MAFG: variants seen among roughly 807,000 people sequenced by gnomAD.
MAFG encodes the protein transcription factor MafG.
A neutral mutation model predicts 12.2 loss-of-function variants in MAFG; 3 were observed. The ratio of observed to expected loss-of-function variants is 0.25; its 90% CI spans 0.11 to 0.64. The LOEUF (loss-of-function observed/expected upper bound fraction) is 0.64. Among genes scored for constraint, MAFG ranks in the 30% least tolerant of loss-of-function variants. The pLI, the probability that MAFG is intolerant of heterozygous loss-of-function variation, is 0.85. For synonymous variants in MAFG, 126 were observed against 109.1 expected, an observed-to-expected ratio of 1.15 and a Z score of -0.96; for missense variants, 153 against 235.5, an observed-to-expected ratio of 0.65 and a Z score of 2.29.
Position 81,926,325 on chromosome 17 carries a change from G to A in MAFG, c.-30+1203C>T, listed in dbSNP as rs111932077. On this transcript the variant is annotated intron_variant, in intron 1 of 2. Transcript: ENST00000357736. The surrounding 1 kb of genome is among the most constrained non-coding windows in gnomAD (Gnocchi z 4.6). Reference sequence around the variant, plus strand: ...CTGCCACCCTGTGCCATCCACACCAGCCCATCTGCTGCACCCCAAGGCTAG... The same window carrying A: ...CTGCCACCCTGTGCCATCCACACCAACCCATCTGCTGCACCCCAAGGCTAG... Among the ~76,000 whole-genome samples, 2 of 152,218 alleles carry A rather than the reference G, an allele frequency of 1.3e-5. No homozygotes were observed. Among genetic ancestry groups the A allele is most frequent in the African/African-American group, 4.8e-5 (2 of 41,524 alleles).
chr17:81,931,207 C>G (rs1346524125), upstream of MAFG, among the ~76,000 whole-genome samples: 1 of 152,224 alleles, frequency 6.6e-6, no homozygotes, highest in Non-Finnish European at 1.5e-5. Context: ...TGCAGCCCCC[C>G]ACACACCTCC....
chr17:81,923,270 CCCCCCG>C, intron 1 of MAFG, 56 bp from the exon 2 acceptor site: 4 of 958,016 alleles, frequency 4.2e-6, no homozygotes, highest in Non-Finnish European at 5.5e-6. Flanking sequence ...GCACCCCCCC[CCCCCCG>C]CCCCCGGCCC....
chr17:81,923,275 C>CA (rs1178401778), intron 1 of MAFG, 61 bp from the exon 2 acceptor site: 172 of 966,564 alleles, frequency 1.8e-4, no homozygotes, highest in Non-Finnish European at 2.2e-4. Context: ...CCCCCCCCCC[C>CA]GCCCCCGGCC....
chr17:81,929,192 G>A (rs1598349434), upstream of MAFG, among the ~76,000 whole-genome samples: 1 of 152,190 alleles, frequency 6.6e-6, no homozygotes, highest in African/African-American at 2.4e-5. The surrounding 1 kb of genome is among the most constrained non-coding windows in gnomAD (Gnocchi z 5.7). Flanking sequence ...ACGGATTTAT[G>A]AATCGTCCTC....
In MAFG at chr17:81,920,785, G is replaced by T. The variant is rs2040881176; in HGVS notation, c.*1820C>A. ...AAGAGGGACAAGACCCGGCCCTGGAGACTGTAGCCCTTGTCTGCACTGGTG... is the reference window on the plus strand; with the variant it reads ...AAGAGGGACAAGACCCGGCCCTGGATACTGTAGCCCTTGTCTGCACTGGTG... On this transcript the variant is annotated 3_prime_UTR_variant, in exon 3 of 3. Transcript: ENST00000357736. 6.6e-6 allele frequency: 1 copy of T among 152,488 alleles called. No homozygotes were observed. 9.4% of individuals were successfully genotyped at this position (152,488 alleles called of 1,614,324 possible).
Position 81,924,166 on chromosome 17 carries a change from C to CG in MAFG, c.-29-953dup, listed in dbSNP as rs1273321022. 5.3e-5 allele frequency: 8 copies of CG among 152,282 alleles called. No homozygotes were observed. Among genetic ancestry groups the CG allele is most frequent in the African/African-American group, 1.9e-4 (8 of 41,464 alleles). 9.4% of individuals were successfully genotyped at this position (152,282 alleles called of 1,614,324 possible). ...CGGGCCTGCCCAACGTGAAGGCTGG[C>CG]GGAGTCAGCCCCTCCGAGCTGCAGC... On this transcript the variant is annotated intron_variant, in intron 1 of 2. Transcript: ENST00000357736. The surrounding 1 kb of genome is among the most constrained non-coding windows in gnomAD (Gnocchi z 4.7).
chr17:81,921,140 C>T lies in MAFG; in HGVS notation c.*1465G>A, dbSNP rs560066002. Reference sequence around the variant, plus strand: ...GGGACCCCAGTTTCACCTACCCCGCCACTAGATCAGCCCAAGCCCTAGACA... The same window carrying T: ...GGGACCCCAGTTTCACCTACCCCGCTACTAGATCAGCCCAAGCCCTAGACA... On this transcript the variant is annotated 3_prime_UTR_variant, in exon 3 of 3. Coordinates refer to ENST00000357736, the MANE Select transcript of MAFG (RefSeq NM_002359.4). 6.6e-6 allele frequency: 1 copy of T among 152,478 alleles called. No homozygotes were observed. Among genetic ancestry groups the T allele is most frequent in the East Asian group, 1.9e-4 (1 of 5,184 alleles). The allele number at this position is 152,478 out of a possible 1,614,324, so 9.4% of individuals were successfully genotyped here. A position where few individuals can be genotyped will look rare whatever the true frequency, so the allele number is the denominator to read the frequency against.
In MAFG at chr17:81,922,679, G is replaced by A. The variant is rs567407624; in HGVS notation, c.415C>T (p.Pro139Ser). Residue 139 changes from proline to serine, a missense_variant, in exon 3 of 3, where the codon CCC becomes TCC. Coordinates refer to ENST00000357736, the MANE Select transcript of MAFG (RefSeq NM_002359.4). ...ARGPLAAGLGPLVPGKVAATS... is the reference protein window; with the variant it reads ...ARGPLAAGLGSLVPGKVAATS... ...GCGGCCACCTTGCCTGGGACGAGGG[G>A]CCCCAGGCCGGCGGCAAGGGGGCCC... The A allele has an allele frequency of 1.7e-5, 25 of 1,506,826 alleles. No individual in the cohort carries two copies. The South Asian group carries it at 3.0e-4, about 18-fold the overall frequency. 93.3% of individuals were successfully genotyped at this position (1,506,826 alleles called of 1,614,324 possible). A position where few individuals can be genotyped will look rare whatever the true frequency, so the allele number is the denominator to read the frequency against.
intron 1 of MAFG, among the ~76,000 whole-genome samples, chr17:81,927,119 C>T (rs1260960044): frequency 6.6e-6 from 1 of 151,666 alleles, no homozygotes; most frequent in African/African-American, 2.4e-5. Context: ...ACGCGGCCAC[C>T]GGATGAATCA....
At chr17:81,928,428 T>TG (rs2040960400), upstream of MAFG, 1 of 151,602 alleles carries the variant, frequency 6.6e-6, no homozygotes, top group Non-Finnish European at 1.5e-5. This position sits in a 1 kb window ranked among gnomAD's most constrained non-coding sequence, Gnocchi z 8.1. Flanking sequence ...AGGGGAAGGG[T>TG]GGCCGCCCCG....
intron 1 of MAFG, 53 bp from the exon 2 acceptor site, chr17:81,923,267 C>CCCCT: frequency 1.1e-6 from 1 of 939,320 alleles, no homozygotes; most frequent in South Asian, 2.0e-5. Flanking sequence ...GCCGCACCCC[C>CCCCT]CCCCCCCCGC....
At position 81,927,562 on chromosome 17, in the gene MAFG, G is replaced by T; in HGVS notation, c.-64C>A. On this transcript the variant is annotated 5_prime_UTR_variant, in exon 1 of 3. Transcript: ENST00000357736. ...GGCCCGGCGGGCCGAGGCCGGGGCG[G>T]GGCGGGGCCGCGCGCGCTCCGAGGC... The T allele has an allele frequency of 6.9e-6, 1 of 145,608 alleles. No homozygotes were observed. The highest frequency in any genetic ancestry group is 2.0e-4 in the South Asian group (1 of 4,956). The allele number at this position is 145,608 out of a possible 1,614,324, so 9.0% of individuals were successfully genotyped here. A position where few individuals can be genotyped will look rare whatever the true frequency, so the allele number is the denominator to read the frequency against.
chr17:81,918,487 G>A lies in MAFG; in HGVS notation c.*4118C>T, dbSNP rs1490345932. ...CCTGCCCGCCCTACACGAAGTGTGAGCGCTCGGGCCTCACCCCGCATCCAA... is the reference window on the plus strand; with the variant it reads ...CCTGCCCGCCCTACACGAAGTGTGAACGCTCGGGCCTCACCCCGCATCCAA... On this transcript the variant is annotated 3_prime_UTR_variant, in exon 3 of 3. Coordinates refer to ENST00000357736, the MANE Select transcript of MAFG (RefSeq NM_002359.4). 6.0e-6 allele frequency: 1 copy of A among 167,972 alleles called. No homozygotes were observed. The allele number at this position is 167,972 out of a possible 1,614,324, so 10.4% of individuals were successfully genotyped here.
rs2040925400 is a variant in MAFG, at chr17:81,924,664, C to T, written c.-29-1450G>A. 6.6e-6 allele frequency among the ~76,000 whole-genome samples: 1 copy of T among 152,206 alleles called. No individual in the cohort carries two copies. Among genetic ancestry groups the T allele is most frequent in the South Asian group, 2.1e-4 (1 of 4,832 alleles). ...GCCAAGCCAGCTCAGAGGCAAGGTC[C>T]CGAGGCTCCAGCCACTGGATTCTTC... On this transcript the variant is annotated intron_variant, in intron 1 of 2. Coordinates refer to ENST00000357736, the MANE Select transcript of MAFG (RefSeq NM_002359.4). This position sits in a 1 kb window ranked among gnomAD's most constrained non-coding sequence, Gnocchi z 4.7.
chr17:81,927,964 CT>C (rs2040956661), upstream of MAFG: 1 of 152,230 alleles, frequency 6.6e-6, no homozygotes, highest in Non-Finnish European at 1.5e-5. Flanking sequence ...CAGCCGGAGC[CT>C]GCCTCGCCTG....
rs1247624285 is a variant in MAFG at position 81,922,443 on chromosome 17, T to TCAGCCCGGCGCCCCTGGGGTA, written c.*141_*161dup. 5.6e-6 allele frequency: 3 copies of TCAGCCCGGCGCCCCTGGGGTA among 537,118 alleles called. No individual in the cohort carries two copies. Among genetic ancestry groups the TCAGCCCGGCGCCCCTGGGGTA allele is most frequent in the Non-Finnish European group, 9.3e-6 (3 of 321,136 alleles). 33.3% of individuals were successfully genotyped at this position (537,118 alleles called of 1,614,324 possible). A position where few individuals can be genotyped will look rare whatever the true frequency, so the allele number is the denominator to read the frequency against. ...ACGACAATGACGAGATCAAAGGGGC[T>TCAGCCCGGCGCCCCTGGGGTA]CAGCCCGGCGCCCCTGGGGTACAGG... On this transcript the variant is annotated 3_prime_UTR_variant, in exon 3 of 3. Coordinates refer to ENST00000357736, the MANE Select transcript of MAFG (RefSeq NM_002359.4).
In MAFG at chr17:81,924,150, C is replaced by G. The variant is rs2040922156; in HGVS notation, c.-29-936G>C. ...CCACAGTGAGCCACCCCGGGCCTGC[C>G]CAACGTGAAGGCTGGCGGAGTCAGC... On this transcript the variant is annotated intron_variant, in intron 1 of 2. Coordinates refer to ENST00000357736, the MANE Select transcript of MAFG (RefSeq NM_002359.4). This position sits in a 1 kb window ranked among gnomAD's most constrained non-coding sequence, Gnocchi z 4.7. 1 of 152,292 alleles carries G rather than the reference C, an allele frequency of 6.6e-6. No individual in the cohort carries two copies. The allele number at this position is 152,292 out of a possible 1,614,324, so 9.4% of individuals were successfully genotyped here. A position where few individuals can be genotyped will look rare whatever the true frequency, so the allele number is the denominator to read the frequency against.
chr17:81,923,497 A>C, intron 1 of MAFG: 3 of 347,424 alleles, frequency 8.6e-6, no homozygotes, highest in Non-Finnish European at 1.6e-5. Context: ...GCGCAAGACA[A>C]GGGGCAGGGG....
Position 81,920,902 on chromosome 17 carries a change from C to T in MAFG, c.*1703G>A, listed in dbSNP as rs1340460981. Reference sequence around the variant, plus strand: ...ACCCACTCTGCCTGGAAGCACCACCCGCAGCATGGAAACACCTCAGGGATC... The same window carrying T: ...ACCCACTCTGCCTGGAAGCACCACCTGCAGCATGGAAACACCTCAGGGATC... On this transcript the variant is annotated 3_prime_UTR_variant, in exon 3 of 3. Coordinates refer to ENST00000357736, the MANE Select transcript of MAFG (RefSeq NM_002359.4). 7 of 152,550 alleles carry T rather than the reference C, an allele frequency of 4.6e-5. No individual in the cohort carries two copies. Among genetic ancestry groups the T allele is most frequent in the African/African-American group, 1.4e-4 (6 of 41,470 alleles). 9.4% of individuals were successfully genotyped at this position (152,550 alleles called of 1,614,324 possible). A position where few individuals can be genotyped will look rare whatever the true frequency, so the allele number is the denominator to read the frequency against.
Sources: gnomAD v4.1 joint callset for allele counts (sites outside exome capture counted in the v4.1 genomes callset) on GRCh38, gnomAD v4.1.1 for gene constraint, Gnocchi (gnomAD v3.1) non-coding constraint, MANE v1.5 for transcripts, NCBI Gene and HGNC (gene_info 2026-07-23, HGNC 2026-07-21) for gene names.